SRPK2: variants seen among roughly 807,000 people sequenced by gnomAD.
The protein encoded by SRPK2 is SRSF protein kinase 2, also known as SFRS protein kinase 2.
In SRPK2, 21 loss-of-function variants were observed where a neutral mutation model predicts 90.8. The ratio of observed to expected loss-of-function variants is 0.23; its 90% CI spans 0.16 to 0.33. The LOEUF is 0.33. Among genes scored for constraint, SRPK2 ranks in the 10% least tolerant of loss-of-function variants. SRPK2 has a pLI of 1.00. For synonymous variants in SRPK2, 288 were observed against 311.1 expected (o/e 0.93, Z 0.78); for missense variants, 620 against 869.0 (o/e 0.71, Z 3.60).
At chr7:105,215,663 T>C (rs1797371817) in intron 2 of SRPK2, among the ~76,000 whole-genome samples, 1 of 152,020 alleles carries the variant, frequency 6.6e-6, no homozygotes. Context: ...TAAAAAGAAA[T>C]GAAGTACTCA....
intron 2 of SRPK2, among the ~76,000 whole-genome samples, chr7:105,360,437 T>C (rs886853197): frequency 1.3e-5 from 2 of 152,270 alleles, no homozygotes; most frequent in African/African-American, 4.8e-5. Context: ...GCTGGTTATT[T>C]TGCCCATTAG....
intron 2 of SRPK2, among the ~76,000 whole-genome samples, chr7:105,344,408 T>A (rs1234118064): frequency 5.0e-4 from 7 of 13,996 alleles, no homozygotes; most frequent in Admixed American, 2.5e-3. Context: ...CAGCCACACC[T>A]TTTTTTTTTT....
In SRPK2 at chr7:105,374,404, G is replaced by A. The variant is rs997450173; in HGVS notation, c.71+14244C>T. 6.6e-5 allele frequency among the ~76,000 whole-genome samples: 10 copies of A among 152,238 alleles called. No homozygotes were observed. In the South Asian group the frequency reaches 1.9e-3, roughly 28 times the overall value. On this transcript the variant is annotated intron_variant, in intron 2 of 15. Coordinates refer to ENST00000393651, the MANE Select transcript of SRPK2 (RefSeq NM_182692.3). ...TTTAAGAGCCTTAAAAAGGTTCAAT[G>A]TCTTTGACCTAATATTTCCATTTGC...
chr7:105,168,660 C>T (rs1188939799), intron 4 of SRPK2, among the ~76,000 whole-genome samples: 2 of 150,988 alleles, frequency 1.3e-5, no homozygotes, highest in African/African-American at 4.9e-5. Flanking sequence ...AGAGTTATCA[C>T]GAATATTACA....
At chr7:105,268,219 G>C (rs1013728222) in intron 2 of SRPK2, among the ~76,000 whole-genome samples, 2 of 152,040 alleles carry the variant, frequency 1.3e-5, no homozygotes, top group African/African-American at 2.4e-5. Flanking sequence ...TTACCTGCAG[G>C]CATGAACCAT....
intron 2 of SRPK2, among the ~76,000 whole-genome samples, chr7:105,295,038 C>T (rs976350418): frequency 2.0e-5 from 3 of 151,930 alleles, no homozygotes; most frequent in Non-Finnish European, 4.4e-5. Context: ...TGGCGAAACC[C>T]TGTCTCTACT....
chr7:105,279,574 T>A (rs919485307), intron 2 of SRPK2, among the ~76,000 whole-genome samples: 4 of 152,200 alleles, frequency 2.6e-5, no homozygotes, highest in Non-Finnish European at 5.9e-5. Flanking sequence ...AAAGGCTGCA[T>A]GGATACACTA....
intron 2 of SRPK2, among the ~76,000 whole-genome samples, chr7:105,310,322 G>A (rs184578284): frequency 1.3e-5 from 2 of 152,302 alleles, no homozygotes; most frequent in Admixed American, 1.3e-4. Flanking sequence ...AGCAAGGCTA[G>A]TAAATGCATT....
intron 2 of SRPK2, among the ~76,000 whole-genome samples, chr7:105,204,000 A>G (rs1186557033): frequency 3.9e-5 from 6 of 152,126 alleles, no homozygotes; most frequent in South Asian, 4.1e-4. Flanking sequence ...CTTATTAGCT[A>G]AGGAATTTTT....
rs1563024913 is a variant in SRPK2, at chr7:105,170,835, GGAAGAAAGAAAGAAAGAAAGA to G, written c.230-1591_230-1571del. 3.6e-3 allele frequency among the ~76,000 whole-genome samples: 361 copies of G among 98,924 alleles called. 17 individuals are homozygous for G. The highest frequency in any genetic ancestry group is 5.6e-3 in the Middle Eastern group (1 of 180). 64.9% of individuals were successfully genotyped at this position (98,924 alleles called of 152,430 possible). Reference sequence around the variant, plus strand: ...AGAGAGGGAGAGAAAGAGAAAGAAAGGAAGAAAGAAAGAAAGAAAGAAAGAAAGAAAGAAAGAAAGAAAGAA... The same window carrying G: ...AGAGAGGGAGAGAAAGAGAAAGAAAGAAGAAAGAAAGAAAGAAAGAAAGAA... On this transcript the variant is annotated intron_variant, in intron 3 of 15. Coordinates refer to ENST00000393651, the MANE Select transcript of SRPK2 (RefSeq NM_182692.3).
intron 2 of SRPK2, among the ~76,000 whole-genome samples, chr7:105,283,849 A>T (rs1807670049): frequency 6.6e-6 from 1 of 151,970 alleles, no homozygotes; most frequent in Non-Finnish European, 1.5e-5. Flanking sequence ...AAAAAAAACT[A>T]GCCAGGAGTG....
chr7:105,148,829 T>C (rs2129578065), intron 7 of SRPK2, among the ~76,000 whole-genome samples: 1 of 152,338 alleles, frequency 6.6e-6, no homozygotes, highest in South Asian at 2.1e-4. Context: ...ACATGTGTTA[T>C]ATGAAATCAA....
intron 2 of SRPK2, among the ~76,000 whole-genome samples, chr7:105,362,417 C>T (rs796362303): frequency 2.6e-5 from 4 of 151,220 alleles, no homozygotes; most frequent in African/African-American, 9.7e-5. Flanking sequence ...ACCATCCTGG[C>T]TAACTTGGTG....
chr7:105,357,714 A>G (rs1817942814), intron 2 of SRPK2, among the ~76,000 whole-genome samples: 1 of 152,054 alleles, frequency 6.6e-6, no homozygotes, highest in Non-Finnish European at 1.5e-5. Flanking sequence ...ATTGCACTCC[A>G]GCCTGGGCAA....
intron 15 of SRPK2, among the ~76,000 whole-genome samples, chr7:105,121,936 A>G (rs893453067): frequency 6.6e-6 from 1 of 152,242 alleles, no homozygotes; most frequent in Admixed American, 6.5e-5. Context: ...CCTGGACTAT[A>G]TTTACATGAA....
intron 2 of SRPK2, among the ~76,000 whole-genome samples, chr7:105,213,418 T>TG (rs1797088444): frequency 6.6e-6 from 1 of 152,120 alleles, no homozygotes; most frequent in African/African-American, 2.4e-5. Flanking sequence ...ACCATGCAGC[T>TG]GGAAGCCAAA....
chr7:105,316,088 G>A (rs1044838743), intron 2 of SRPK2, among the ~76,000 whole-genome samples: 14 of 147,594 alleles, frequency 9.5e-5, no homozygotes, highest in African/African-American at 3.2e-4. Context: ...GCAATGGCGC[G>A]ATCTCGGCTC....
chr7:105,332,749 A>T (rs1814582645), intron 2 of SRPK2: 1 of 151,464 alleles, frequency 6.6e-6, no homozygotes, highest in African/African-American at 2.4e-5. Flanking sequence ...CGGGTGACAG[A>T]GTGAGACTCT....
intron 2 of SRPK2, among the ~76,000 whole-genome samples, chr7:105,255,939 A>AG (rs1442440475): frequency 1.5e-5 from 2 of 129,574 alleles, no homozygotes; most frequent in South Asian, 2.8e-4. Flanking sequence ...AAAAAAAAAA[A>AG]AGAGAGAGAG....
Sources: allele counts gnomAD v4.1 joint callset (sites outside exome capture counted in the v4.1 genomes callset), GRCh38; gene constraint gnomAD v4.1.1; transcripts MANE v1.5; gene names NCBI Gene and HGNC (gene_info 2026-07-23, HGNC 2026-07-21).